UNC80: variants seen among roughly 807,000 people sequenced by gnomAD.
UNC80 encodes protein unc-80 homolog.
A neutral mutation model predicts 384.6 loss-of-function variants in UNC80; 164 were observed. The ratio of observed to expected loss-of-function variants is 0.43; its 90% CI spans 0.38 to 0.49. The LOEUF is 0.49. Ranked by LOEUF, UNC80 falls within the 20% of genes least tolerant of loss-of-function variation. The pLI is 0.00. For missense variants in UNC80, 3,330 were observed against 4,143.0 expected, an observed-to-expected ratio of 0.80 and a Z score of 5.39; for synonymous variants, 1,486 against 1,527.8, an observed-to-expected ratio of 0.97 and a Z score of 0.64.
rs1367647938 is a variant in UNC80, at chr2:209,995,521, C to T, written c.9901C>T (p.Leu3301=). 1.1e-5 allele frequency: 17 copies of T among 1,551,830 alleles called. No homozygotes were observed. The highest frequency in any genetic ancestry group is 1.4e-5 in the Non-Finnish European group (16 of 1,147,060). The change falls in exon 65 of 65, where the codon CTA becomes TTA. Residue 3301 remains leucine (L), a synonymous_variant. Transcript: ENST00000673920. ...GGAAAATGGCATGGAGAACCCGCTA[C>T]TATCTAGTCAGTTCACCTTTACTCC... ...SEENGMENPL[L]SSQFTFTPTE...
chr2:209,791,795 G>C (rs2077817711), intron 6 of UNC80, among the ~76,000 whole-genome samples: 1 of 138,036 alleles, frequency 7.2e-6, no homozygotes, highest in African/African-American at 2.7e-5. Flanking sequence ...ACTCCAGCCT[G>C]GGCGACAGAG....
At chr2:209,800,493 A>T (rs1268010070) in intron 7 of UNC80, among the ~76,000 whole-genome samples, 2 of 358 alleles carry the variant, frequency 5.6e-3, no homozygotes, top group East Asian at 0.1. Context: ...TTGTTATTTA[A>T]AAAAAAAAAA....
Position 209,825,928 on chromosome 2 carries a change from A to C in UNC80, c.2353A>C (p.Asn785His). 1 of 1,547,310 alleles carries C rather than the reference A, an allele frequency of 6.5e-7. No homozygotes were observed. Among genetic ancestry groups the C allele is most frequent in the Non-Finnish European group, 8.7e-7 (1 of 1,145,162 alleles). Residue 785 changes from asparagine to histidine, a missense_variant, in exon 14 of 65, where the codon AAC becomes CAC. Asn to His is a moderately conservative substitution (Grantham distance 68). Transcript: ENST00000673920. Reference protein sequence around the residue: ...QEKDESTPVSNHRLALTMLIK... With the variant: ...QEKDESTPVSHHRLALTMLIK... ...CCAGGATGAAAGTACACCTGTAAGCAACCATAGGCTTGCTCTAACAATGCT... is the reference window on the plus strand; with the variant it reads ...CCAGGATGAAAGTACACCTGTAAGCCACCATAGGCTTGCTCTAACAATGCT...
At chr2:209,926,379 G>A (rs79622499) in intron 35 of UNC80, among the ~76,000 whole-genome samples, 1,733 of 152,362 alleles carry the variant, frequency 0.011, 19 homozygotes, top group South Asian at 0.032. Context: ...AAATGAAGAG[G>A]CACTTTGTGT....
At chr2:209,913,726 G>A in intron 30 of UNC80, 76 bp from the exon 31 acceptor site, 1 of 1,417,662 alleles carries the variant, frequency 7.1e-7, no homozygotes. Flanking sequence ...GAGGGGACGT[G>A]GCTTTTAAGT....
chr2:209,872,984 T>A lies in UNC80; in HGVS notation c.3840+14T>A, dbSNP rs2124883083. 3 of 1,550,800 alleles carry A rather than the reference T, an allele frequency of 1.9e-6. No homozygotes were observed. The highest frequency in any genetic ancestry group is 2.6e-6 in the Non-Finnish European group (3 of 1,146,230). On this transcript the variant is annotated intron_variant, in intron 23 of 64. Coordinates refer to ENST00000673920, the MANE Select transcript of UNC80 (RefSeq NM_001371986.1). This position sits in a 1 kb window ranked among gnomAD's most constrained non-coding sequence, Gnocchi z 4.1. ...CAATGGGGAGACGTGAGCTTTCGGT[T>A]TTCTTCTATAACAATTAGGTTGCTT...
rs188028462 is a variant in UNC80, at chr2:209,979,236, G to A, written c.9118+528G>A. 5.4e-4 allele frequency among the ~76,000 whole-genome samples: 83 copies of A among 152,300 alleles called. 1 individual carries two copies. The highest frequency in any genetic ancestry group is 3.4e-3 in the Admixed American group (52 of 15,294). On this transcript the variant is annotated intron_variant, in intron 59 of 64. Coordinates refer to ENST00000673920, the MANE Select transcript of UNC80 (RefSeq NM_001371986.1). Reference sequence around the variant, plus strand: ...TGCACTCCAGCCTGGGCAACAGAGCGAGCCTCTGTCTCAAAAACAACAACT... The same window carrying A: ...TGCACTCCAGCCTGGGCAACAGAGCAAGCCTCTGTCTCAAAAACAACAACT...
intron 22 of UNC80, among the ~76,000 whole-genome samples, chr2:209,852,968 T>C (rs899241147): frequency 1.3e-5 from 2 of 152,046 alleles, no homozygotes; most frequent in African/African-American, 4.8e-5. Context: ...GATGTAGATA[T>C]GTTAGGTAGA....
intron 25 of UNC80, among the ~76,000 whole-genome samples, chr2:209,885,483 A>G (rs1431626055): frequency 6.6e-6 from 1 of 152,178 alleles, no homozygotes; most frequent in African/African-American, 2.4e-5. Flanking sequence ...GTGAATCAGA[A>G]TTATTATATG....
chr2:209,961,640 A>G (rs186430248), intron 51 of UNC80, among the ~76,000 whole-genome samples: 4 of 152,320 alleles, frequency 2.6e-5, no homozygotes, highest in Admixed American at 6.5e-5. Flanking sequence ...TGACTTTCTT[A>G]GTTATCAAAG....
At chr2:209,800,523 A>AT (rs1186356366) in intron 7 of UNC80, among the ~76,000 whole-genome samples, 4 of 140,460 alleles carry the variant, frequency 2.8e-5, no homozygotes, top group Admixed American at 7.1e-5. Flanking sequence ...GGATTTGTTG[A>AT]TTTTTTGTAA....
rs2091754568 is a variant in UNC80 at position 209,943,498 on chromosome 2, C to T, written c.7034C>T (p.Pro2345Leu). Reference protein sequence around the residue: ...FVLQLFASVAPLLEFPDAANN... With the variant: ...FVLQLFASVALLLEFPDAANN... ...CTCCAGCTGTTTGCTAGTGTGGCCC[C>T]TCTCCTGGAATTTCCTGTAAGTAAG... is the stretch of plus-strand genomic sequence containing the variant. Residue 2345 changes from proline to leucine, a missense_variant, in exon 45 of 65, where the codon CCT becomes CTT. This residue lies in a region of UNC80 where 1,049 missense variants were observed against 1,488.6 expected (regional missense o/e 0.70). Transcript: ENST00000673920. 1.9e-6 allele frequency: 3 copies of T among 1,551,660 alleles called. No homozygotes were observed. Among genetic ancestry groups the T allele is most frequent in the Non-Finnish European group, 2.6e-6 (3 of 1,146,942 alleles).
chr2:209,995,233 T>G, intron 64 of UNC80, 96 bp from the exon 65 acceptor site: 2 of 1,456,722 alleles, frequency 1.4e-6, no homozygotes, highest in Non-Finnish European at 1.8e-6. Flanking sequence ...GCCATCTGAT[T>G]CCTTTTCCAA....
intron 36 of UNC80, among the ~76,000 whole-genome samples, chr2:209,927,492 A>G (rs1559343467): frequency 1.3e-5 from 2 of 152,244 alleles, no homozygotes; most frequent in Admixed American, 1.3e-4. Context: ...TAATTTTTTA[A>G]AACCCCATTA....
intron 4 of UNC80, among the ~76,000 whole-genome samples, chr2:209,782,316 C>T (rs2077195738): frequency 6.6e-6 from 1 of 152,182 alleles, no homozygotes; most frequent in Non-Finnish European, 1.5e-5. Context: ...TGTTTGAAGT[C>T]TCTCCAAGAA....
At chr2:209,773,265 C>A (rs2076684154) in intron 2 of UNC80, 123 bp downstream of exon 2, 3 of 806,474 alleles carry the variant, frequency 3.7e-6, no homozygotes, top group Admixed American at 4.8e-5. Context: ...TATTGATCAC[C>A]CACTCTGTGC....
chr2:209,866,918 A>G (rs1467237204), intron 22 of UNC80, among the ~76,000 whole-genome samples: 1 of 152,182 alleles, frequency 6.6e-6, no homozygotes, highest in Non-Finnish European at 1.5e-5. Context: ...TTATTGACAC[A>G]TAATAGTTGT....
intron 47 of UNC80, among the ~76,000 whole-genome samples, 190 bp from the exon 48 acceptor site, chr2:209,953,910 G>A (rs1304264715): frequency 6.6e-6 from 1 of 152,176 alleles, no homozygotes; most frequent in Admixed American, 6.5e-5. Flanking sequence ...CCTTTTAGCA[G>A]GTGGTTAGTG....
chr2:209,902,454 T>C (rs1341186943), intron 28 of UNC80, among the ~76,000 whole-genome samples: 1 of 152,206 alleles, frequency 6.6e-6, no homozygotes, highest in Non-Finnish European at 1.5e-5. Context: ...AAAGAAGTTC[T>C]ACTGTGAGTA....
Sources: gnomAD v4.1 joint callset for allele counts (sites outside exome capture counted in the v4.1 genomes callset) on GRCh38, gnomAD v4.1.1 for gene constraint, gnomAD v4.1.1 regional missense constraint, Gnocchi (gnomAD v3.1) non-coding constraint, MANE v1.5 for transcripts, NCBI Gene and HGNC (gene_info 2026-07-23, HGNC 2026-07-21) for gene names.